The following RBFOX1 variants were observed in gnomAD, a reference collection of about 807,000 sequenced individuals.
RBFOX1 encodes RNA binding protein fox-1 homolog 1.
RBFOX1 carries 8 observed loss-of-function variants against 57.7 expected under a neutral mutation model. The observed-to-expected ratio is 0.14, with a 90% CI of 0.08 to 0.25. The LOEUF is 0.25. Ranked by LOEUF, RBFOX1 falls within the 10% of genes least tolerant of loss-of-function variation. RBFOX1 has a pLI of 1.00. For missense variants in RBFOX1, 611 were observed against 548.5 expected, an observed-to-expected ratio of 1.11 and a Z score of -1.14; for synonymous variants, 326 against 222.4, an observed-to-expected ratio of 1.47 and a Z score of -4.15.
chr16:5,827,072 C>G (rs2056084288), intron 3 of RBFOX1, among the ~76,000 whole-genome samples: 1 of 152,124 alleles, frequency 6.6e-6, no homozygotes, highest in African/African-American at 2.4e-5. Context: ...TTGACCAAGT[C>G]TTTTTCTCTT....
chr16:6,434,593 A>G (rs1396595586), intron 2 of RBFOX1, among the ~76,000 whole-genome samples: 3 of 152,212 alleles, frequency 2.0e-5, no homozygotes, highest in Non-Finnish European at 2.9e-5. Flanking sequence ...CAGTCTATAA[A>G]TATAATTTTG....
chr16:6,797,845 G>A (rs115450491), intron 3 of RBFOX1, among the ~76,000 whole-genome samples: 1,905 of 152,190 alleles, frequency 0.013, 49 homozygotes, highest in African/African-American at 0.043. Context: ...AGAACCACTC[G>A]ACTTGAGTTG....
intron 3 of RBFOX1, among the ~76,000 whole-genome samples, chr16:5,630,224 A>G (rs1364494252): frequency 2.6e-5 from 4 of 152,170 alleles, no homozygotes; most frequent in Non-Finnish European, 4.4e-5. Context: ...TGGGAGGTCA[A>G]AGTGAGTGGA....
chr16:5,403,634 C>T (rs769819852), intron 1 of RBFOX1, among the ~76,000 whole-genome samples: 1 of 151,978 alleles, frequency 6.6e-6, no homozygotes, highest in African/African-American at 2.4e-5. Context: ...TTAATAGAGA[C>T]GAGGTTTCGC....
chr16:6,842,961 G>A (rs931140608), intron 3 of RBFOX1, among the ~76,000 whole-genome samples: 1 of 152,046 alleles, frequency 6.6e-6, no homozygotes, highest in Admixed American at 6.5e-5. Flanking sequence ...TGAGAACGAT[G>A]GTTTCCAGGT....
chr16:6,473,306 A>T (rs1389188325), intron 2 of RBFOX1, among the ~76,000 whole-genome samples: 1 of 152,176 alleles, frequency 6.6e-6, no homozygotes, highest in African/African-American at 2.4e-5. Flanking sequence ...TGTAGTACAA[A>T]TCAGACAGCA....
At chr16:5,481,962 G>A (rs1446995547) in intron 2 of RBFOX1, among the ~76,000 whole-genome samples, 3 of 152,052 alleles carry the variant, frequency 2.0e-5, no homozygotes, top group Non-Finnish European at 4.4e-5. Context: ...CACCAAATAC[G>A]GTCACATTCT....
At chr16:7,458,439 TAAGCTTTCC>T (rs1331622906) in intron 4 of RBFOX1, among the ~76,000 whole-genome samples, 1 of 152,192 alleles carries the variant, frequency 6.6e-6, no homozygotes, top group African/African-American at 2.4e-5. Flanking sequence ...TAGCTCATGC[TAAGCTTTCC>T]AAGTAGACAG....
At position 7,189,513 on chromosome 16, in the gene RBFOX1, T is replaced by C. The variant is rs530700437; in HGVS notation, c.27+137415T>C. Among the ~76,000 whole-genome samples, 175 of 148,562 alleles carry C rather than the reference T, an allele frequency of 1.2e-3. 1 individual carries two copies. The highest frequency in any genetic ancestry group is 4.0e-3 in the African/African-American group (160 of 39,858). On this transcript the variant is annotated intron_variant, in intron 4 of 15. Transcript: ENST00000550418. Reference sequence around the variant, plus strand: ...ACTGATTCAGGTATTCTCTCCAGTTTAGAATACATTGCCCCCACTCCAAAA... The same window carrying C: ...ACTGATTCAGGTATTCTCTCCAGTTCAGAATACATTGCCCCCACTCCAAAA...
intron 3 of RBFOX1, among the ~76,000 whole-genome samples, chr16:6,717,863 C>G (rs1270225902): frequency 1.3e-5 from 2 of 152,022 alleles, no homozygotes; most frequent in South Asian, 4.1e-4. Flanking sequence ...TACCCCCTGC[C>G]TAGAGCAGAT....
At chr16:5,538,717 C>A (rs1180409448) in intron 2 of RBFOX1, among the ~76,000 whole-genome samples, 1 of 151,648 alleles carries the variant, frequency 6.6e-6, no homozygotes, top group Non-Finnish European at 1.5e-5. Flanking sequence ...CCTTCGCCTT[C>A]CCGGATTCAA....
chr16:7,351,330 G>A (rs1443492071), intron 4 of RBFOX1, among the ~76,000 whole-genome samples: 1 of 152,216 alleles, frequency 6.6e-6, no homozygotes, highest in Non-Finnish European at 1.5e-5. Flanking sequence ...GCATTGACTG[G>A]TTAGTTCATT....
At chr16:6,100,785 G>A (rs1055372099) in intron 1 of RBFOX1, among the ~76,000 whole-genome samples, 1 of 152,144 alleles carries the variant, frequency 6.6e-6, no homozygotes, top group East Asian at 1.9e-4. Context: ...TGTCAAAATA[G>A]CAAAGTTGGG....
intron 3 of RBFOX1, among the ~76,000 whole-genome samples, chr16:5,778,787 C>G (rs1393451103): frequency 6.6e-6 from 1 of 152,146 alleles, no homozygotes; most frequent in Non-Finnish European, 1.5e-5. Context: ...CACCCCTCAG[C>G]CACTGTGCAA....
chr16:7,563,026 C>T (rs2090784824), intron 5 of RBFOX1, among the ~76,000 whole-genome samples: 1 of 152,172 alleles, frequency 6.6e-6, no homozygotes, highest in East Asian at 1.9e-4. Context: ...GCCACTGTGC[C>T]ACACTGCCTC....
intron 4 of RBFOX1, among the ~76,000 whole-genome samples, chr16:7,425,552 G>A (rs2149452997): frequency 6.6e-6 from 1 of 152,284 alleles, no homozygotes; most frequent in East Asian, 1.9e-4. Flanking sequence ...GGTCTCTTTT[G>A]TTTCCAAGTG....
intron 2 of RBFOX1, among the ~76,000 whole-genome samples, chr16:6,507,950 C>G (rs1001028303): frequency 6.6e-6 from 1 of 151,950 alleles, no homozygotes; most frequent in African/African-American, 2.4e-5. Context: ...ATAGCAAAGA[C>G]ATGGAATCAA....
At chr16:6,084,325 C>G (rs1296852510) in intron 1 of RBFOX1, among the ~76,000 whole-genome samples, 3 of 152,152 alleles carry the variant, frequency 2.0e-5, no homozygotes, top group Non-Finnish European at 4.4e-5. Context: ...CTCACGGCAG[C>G]CTCGACCTCC....
chr16:5,672,027 T>TTCCAATTC, intron 3 of RBFOX1, among the ~76,000 whole-genome samples: 1 of 152,312 alleles, frequency 6.6e-6, no homozygotes, highest in East Asian at 1.9e-4. Context: ...TGGAGAGATT[T>TTCCAATTC]GCATCTTTGA....
Sources: gnomAD v4.1 joint callset for allele counts (sites outside exome capture counted in the v4.1 genomes callset) on GRCh38, gnomAD v4.1.1 for gene constraint, MANE v1.5 for transcripts, NCBI Gene and HGNC (gene_info 2026-07-23, HGNC 2026-07-21) for gene names.